Variants in DAGLB observed in about 807,000 individuals in gnomAD.
DAGLB encodes the protein diacylglycerol lipase beta, also known as diacylglycerol lipase-beta.
Under a neutral mutation model 72.1 loss-of-function variants are expected in DAGLB, and 66 were observed. That is an observed-to-expected ratio of 0.92 (90% CI 0.75 to 1.12). The LOEUF is 1.12. DAGLB is among the 50% of genes most tolerant of loss of function. DAGLB has a pLI of 0.00. For missense variants in DAGLB, 1,065 were observed against 884.9 expected (o/e 1.20, Z -2.58); for synonymous variants, 414 against 359.5 (o/e 1.15, Z -1.71).
intron 3 of DAGLB, 133 bp from the exon 4 acceptor site, chr7:6,435,153 T>C: frequency 1.5e-6 from 2 of 1,356,298 alleles, no homozygotes; most frequent in Non-Finnish European, 2.0e-6. Flanking sequence ...AAGATGCAGC[T>C]CTCCTGGAAC....
In DAGLB at chr7:6,434,652, C is replaced by T. The variant is rs527683009; in HGVS notation, c.678+110G>A. The T allele has an allele frequency of 7.8e-6, 12 of 1,545,986 alleles. No homozygotes were observed. In the South Asian group the frequency reaches 9.9e-5, roughly 13 times the overall value. The stretch of plus-strand genomic sequence containing the variant: ...GGTCTCCGGCCACCCCCCACACACC[C>T]AAAGACACCAGGTTCTCAAACGCGG... On this transcript the variant is annotated intron_variant, in intron 4 of 14. Coordinates refer to ENST00000297056, the MANE Select transcript of DAGLB (RefSeq NM_139179.4).
chr7:6,436,342 GAGA>G lies in DAGLB; in HGVS notation c.419+17_419+19del, dbSNP rs747198275. 16 of 1,586,962 alleles carry G rather than the reference GAGA, an allele frequency of 1.0e-5. No homozygotes were observed. In the South Asian group the frequency reaches 1.3e-4, roughly 12 times the overall value. ...TGCCTCAAATCCACTGAAACTCAAA[GAGA>G]AGAAGGGAGATGTCACCTGACCACG... is the stretch of plus-strand genomic sequence containing the variant. On this transcript the variant is annotated intron_variant, in intron 3 of 14. Transcript: ENST00000297056.
chr7:6,416,058 T>A (rs1313930141), intron 11 of DAGLB, among the ~76,000 whole-genome samples: 3 of 151,914 alleles, frequency 2.0e-5, no homozygotes, highest in African/African-American at 7.3e-5. Flanking sequence ...TTGTGCTTGC[T>A]TGTGGGGAGG....
chr7:6,425,976 C>A lies in DAGLB; in HGVS notation c.1056+12G>T. ...AAAAGAAGTGAAGAGCCGCTGTCTG[C>A]AGCGTCCACACCTTGTCATGGAAGC... On this transcript the variant is annotated intron_variant, in intron 7 of 14. Coordinates refer to ENST00000297056, the MANE Select transcript of DAGLB (RefSeq NM_139179.4). The A allele has an allele frequency of 6.2e-7, 1 of 1,613,526 alleles. No homozygotes were observed. Among genetic ancestry groups the A allele is most frequent in the East Asian group, 2.2e-5 (1 of 44,854 alleles).
At chr7:6,421,674 A>G (rs1314595866) in intron 9 of DAGLB, 53 bp downstream of exon 9, 6 of 1,556,644 alleles carry the variant, frequency 3.9e-6, no homozygotes, top group Non-Finnish European at 5.2e-6. Flanking sequence ...CGAGGCACCC[A>G]TCTTCTGTGT....
chr7:6,430,285 A>AGGGG (rs1469967412), intron 6 of DAGLB, among the ~76,000 whole-genome samples, 195 bp downstream of exon 6: 1 of 98,414 alleles, frequency 1.0e-5, no homozygotes, highest in Non-Finnish European at 2.0e-5. Context: ...ATATATATGC[A>AGGGG]GGGGGGAGGG....
chr7:6,425,549 C>A (rs538137225), intron 7 of DAGLB, among the ~76,000 whole-genome samples: 1 of 152,232 alleles, frequency 6.6e-6, no homozygotes, highest in Admixed American at 6.5e-5. Context: ...GGATTACAGG[C>A]GTGAGCCACT....
Position 6,447,904 on chromosome 7 carries a change from C to T in DAGLB, c.-62G>A, listed in dbSNP as rs1379478263. On this transcript the variant is annotated 5_prime_UTR_variant, in exon 1 of 15. Coordinates refer to ENST00000297056, the MANE Select transcript of DAGLB (RefSeq NM_139179.4). The stretch of plus-strand genomic sequence containing the variant: ...CGCGCGCCGTTCACCGAGAACAAAC[C>T]AGCACCCTCCGGACGCCGCCACCAA... The T allele has an allele frequency of 6.6e-7, 1 of 1,505,652 alleles. No individual in the cohort carries two copies. Among genetic ancestry groups the T allele is most frequent in the South Asian group, 1.2e-5 (1 of 81,678 alleles). The allele number at this position is 1,505,652 out of a possible 1,614,324, so 93.3% of individuals were successfully genotyped here.
chr7:6,411,107 C>T (rs1460355653), intron 13 of DAGLB, among the ~76,000 whole-genome samples: 2 of 151,750 alleles, frequency 1.3e-5, no homozygotes, highest in African/African-American at 2.4e-5. Flanking sequence ...CTCCTGACCT[C>T]GTGATCCACC....
intron 4 of DAGLB, 53 bp downstream of exon 4, chr7:6,434,709 G>A: frequency 6.2e-7 from 1 of 1,605,946 alleles, no homozygotes; most frequent in Non-Finnish European, 8.5e-7. Flanking sequence ...GGCTCCATCA[G>A]AAGCATTTAC....
intron 2 of DAGLB, among the ~76,000 whole-genome samples, chr7:6,442,129 C>G (rs1238563209): frequency 6.6e-6 from 1 of 152,194 alleles, no homozygotes; most frequent in African/African-American, 2.4e-5. Context: ...CTGGGCCAAA[C>G]TGGGTCACGT....
chr7:6,410,880 ATTTT>A (rs35960882), intron 13 of DAGLB, among the ~76,000 whole-genome samples: 3 of 98,230 alleles, frequency 3.1e-5, no homozygotes, highest in Admixed American at 1.2e-4. Context: ...AATTTTTTGT[ATTTT>A]TTTTTTTTTT....
chr7:6,440,432 G>A (rs570960413), intron 2 of DAGLB, among the ~76,000 whole-genome samples: 2 of 152,020 alleles, frequency 1.3e-5, no homozygotes, highest in South Asian at 2.1e-4. Context: ...AGAAGAAGAG[G>A]ATCAGTCTTC....
intron 7 of DAGLB, 42 bp downstream of exon 7, chr7:6,425,946 G>A (rs1784297753): frequency 1.2e-6 from 2 of 1,608,100 alleles, no homozygotes; most frequent in Non-Finnish European, 1.7e-6. Context: ...ACAGCTCCAG[G>A]ACCCAAAAGA....
intron 13 of DAGLB, among the ~76,000 whole-genome samples, chr7:6,411,240 C>T (rs958072279): frequency 4.6e-5 from 7 of 151,572 alleles, no homozygotes; most frequent in African/African-American, 1.7e-4. Flanking sequence ...AACTCCCGAC[C>T]TCAGGTGATC....
chr7:6,433,084 T>C, intron 4 of DAGLB, 125 bp from the exon 5 acceptor site: 1 of 1,398,924 alleles, frequency 7.1e-7, no homozygotes, highest in Non-Finnish European at 9.4e-7. Flanking sequence ...GACACAGAGG[T>C]ATGTTAAAAA....
intron 6 of DAGLB, among the ~76,000 whole-genome samples, chr7:6,426,548 G>C (rs1170720935): frequency 6.6e-6 from 1 of 152,210 alleles, no homozygotes; most frequent in East Asian, 1.9e-4. Flanking sequence ...GGGATTATAA[G>C]CGTGAGCCAC....
chr7:6,426,517 G>A (rs559523636), intron 6 of DAGLB, among the ~76,000 whole-genome samples: 1 of 152,308 alleles, frequency 6.6e-6, no homozygotes, highest in South Asian at 2.1e-4. Flanking sequence ...CGAACTGCCC[G>A]TCTTGGCCTC....
intron 2 of DAGLB, among the ~76,000 whole-genome samples, chr7:6,436,975 C>G (rs1226760937): frequency 6.6e-6 from 1 of 151,800 alleles, no homozygotes; most frequent in African/African-American, 2.4e-5. Flanking sequence ...CATGGTGAAA[C>G]CTCATCTCTA....
Sources: gnomAD v4.1 joint callset for allele counts (sites outside exome capture counted in the v4.1 genomes callset) on GRCh38, gnomAD v4.1.1 for gene constraint, MANE v1.5 for transcripts, NCBI Gene and HGNC (gene_info 2026-07-23, HGNC 2026-07-21) for gene names.